Variants in TEX10 observed in about 807,000 individuals in gnomAD.
TEX10 encodes the protein testis-expressed protein 10.
TEX10 carries 24 observed loss-of-function variants against 104.4 expected under a neutral mutation model. The observed-to-expected ratio is 0.23, with a 90% CI of 0.17 to 0.32. TEX10 has a LOEUF of 0.32. Among genes scored for constraint, TEX10 ranks in the 10% least tolerant of loss-of-function variants. The pLI is 1.00. For synonymous variants in TEX10, 396 were observed against 393.4 expected, an observed-to-expected ratio of 1.01 and a Z score of -0.08; for missense variants, 921 against 1,083.9, an observed-to-expected ratio of 0.85 and a Z score of 2.11.
chr9:100,312,459 C>T (rs1368111646), intron 11 of TEX10, among the ~76,000 whole-genome samples: 1 of 151,990 alleles, frequency 6.6e-6, no homozygotes, highest in African/African-American at 2.4e-5. Context: ...AAAGCAGGTA[C>T]AAAAAAGAAA....
chr9:100,333,029 G>T (rs749000496), intron 5 of TEX10, among the ~76,000 whole-genome samples: 1 of 152,008 alleles, frequency 6.6e-6, no homozygotes, highest in Non-Finnish European at 1.5e-5. Context: ...TTTTGAGACA[G>T]AGTGTTGCTC....
intron 9 of TEX10, among the ~76,000 whole-genome samples, chr9:100,323,883 A>G (rs1033605780): frequency 6.6e-6 from 1 of 152,200 alleles, no homozygotes; most frequent in Non-Finnish European, 1.5e-5. Context: ...AGTATACAGG[A>G]TGCATAGGAC....
At chr9:100,340,866 C>T (rs879402723) in intron 4 of TEX10, among the ~76,000 whole-genome samples, 1 of 152,138 alleles carries the variant, frequency 6.6e-6, no homozygotes, top group Non-Finnish European at 1.5e-5. Context: ...TTCTTTATTT[C>T]CTCTTATCCA....
Position 100,345,941 on chromosome 9 carries a change from T to C in TEX10, c.1137+131A>G, listed in dbSNP as rs1290310001. Reference sequence around the variant, plus strand: ...TGTAGTTTTGTGCAAAACAAACAAGTTTACAGTTAAACCCAGGGTACTTTT... The same window carrying C: ...TGTAGTTTTGTGCAAAACAAACAAGCTTACAGTTAAACCCAGGGTACTTTT... On this transcript the variant is annotated intron_variant, in intron 4 of 14. Transcript: ENST00000374902. 5.3e-6 allele frequency: 5 copies of C among 942,508 alleles called. No individual in the cohort carries two copies. In the African/African-American group the frequency reaches 6.7e-5, roughly 13 times the overall value. The allele number at this position is 942,508 out of a possible 1,614,324, so 58.4% of individuals were successfully genotyped here.
intron 11 of TEX10, among the ~76,000 whole-genome samples, chr9:100,311,997 G>T (rs1415505991): frequency 1.3e-5 from 2 of 151,984 alleles, no homozygotes; most frequent in African/African-American, 4.8e-5. Flanking sequence ...GGAATCAACA[G>T]ATCTATACAT....
At chr9:100,349,109 A>G in intron 2 of TEX10, 75 bp downstream of exon 2, 5 of 1,317,904 alleles carry the variant, frequency 3.8e-6, no homozygotes, top group Non-Finnish European at 5.0e-6. Context: ...GTTTAGACAA[A>G]TTTTCACAAA....
intron 13 of TEX10, chr9:100,304,666 C>G (rs1329542921): frequency 6.6e-6 from 1 of 152,062 alleles, no homozygotes. Flanking sequence ...CAAGACCATC[C>G]TGGCCAACAT....
chr9:100,331,159 G>A (rs932423825), intron 5 of TEX10, among the ~76,000 whole-genome samples: 4 of 152,224 alleles, frequency 2.6e-5, no homozygotes, highest in Admixed American at 2.0e-4. Flanking sequence ...TACTTGGGAG[G>A]CTGAGGCAGG....
In TEX10 at chr9:100,302,114, A is replaced by T; in HGVS notation, c.*77T>A. 1.2e-6 allele frequency: 1 copy of T among 841,886 alleles called. No homozygotes were observed. The highest frequency in any genetic ancestry group is 1.8e-6 in the Non-Finnish European group (1 of 554,348). 52.2% of individuals were successfully genotyped at this position (841,886 alleles called of 1,614,324 possible). A position where few individuals can be genotyped will look rare whatever the true frequency, so the allele number is the denominator to read the frequency against. On this transcript the variant is annotated 3_prime_UTR_variant, in exon 15 of 15. Coordinates refer to ENST00000374902, the MANE Select transcript of TEX10 (RefSeq NM_017746.4). ...TAAAAGTTCAGCTTTAATGACAAAG[A>T]TCTATTACATCAGTCTTTTTCTTCA...
intron 11 of TEX10, among the ~76,000 whole-genome samples, chr9:100,313,360 C>A (rs1834327224): frequency 6.6e-6 from 1 of 150,960 alleles, no homozygotes; most frequent in Non-Finnish European, 1.5e-5. Flanking sequence ...ACTAAATATA[C>A]AAAAATTAGC....
At chr9:100,313,862 A>G (rs898390298) in intron 11 of TEX10, among the ~76,000 whole-genome samples, 1 of 151,396 alleles carries the variant, frequency 6.6e-6, no homozygotes, top group African/African-American at 2.4e-5. Context: ...AAAAAAAAAA[A>G]GAGACACACA....
chr9:100,307,294 C>T (rs1374661989), intron 13 of TEX10: 1 of 152,210 alleles, frequency 6.6e-6, no homozygotes, highest in East Asian at 1.9e-4. Context: ...TTTACTGGAA[C>T]ACAATTATAC....
Position 100,347,044 on chromosome 9 carries a change from T to C in TEX10, c.543A>G (p.Ile181Met). Residue 181 changes from isoleucine to methionine, a missense_variant, in exon 3 of 15, where the codon ATA (isoleucine) becomes ATG (methionine). Transcript: ENST00000374902. ...YPALITGRSS[I>M]LLKNFVELIS... ...TAAGTTCTACAAAATTCTTAAGCAA[T>C]ATGCTGCTACGGCCAGTAATTAGAG... The C allele has an allele frequency of 6.2e-7, 1 of 1,614,182 alleles. No individual in the cohort carries two copies. Among genetic ancestry groups the C allele is most frequent in the African/African-American group, 1.3e-5 (1 of 75,054 alleles).
chr9:100,305,200 C>G (rs1834115607), intron 13 of TEX10: 1 of 152,168 alleles, frequency 6.6e-6, no homozygotes, highest in African/African-American at 2.4e-5. Flanking sequence ...AGCTTCTTTA[C>G]CAGGAGTGTA....
At chr9:100,342,829 G>C (rs781732373) in intron 4 of TEX10, among the ~76,000 whole-genome samples, 2 of 152,120 alleles carry the variant, frequency 1.3e-5, no homozygotes, top group Non-Finnish European at 2.9e-5. Context: ...AAAAGCTAAT[G>C]TTAAACTGTA....
intron 11 of TEX10, among the ~76,000 whole-genome samples, chr9:100,315,060 T>C (rs553644913): frequency 6.6e-6 from 1 of 152,362 alleles, no homozygotes; most frequent in South Asian, 2.1e-4. Context: ...TTTGCATCAT[T>C]TGTAAAGTTC....
In TEX10 at chr9:100,349,412, C is replaced by T. The variant is rs1835384265; in HGVS notation, c.-9-40G>A. 2.2e-6 allele frequency: 3 copies of T among 1,394,468 alleles called. No individual in the cohort carries two copies. The African/African-American group carries it at 4.4e-5, about 20-fold the overall frequency. The allele number at this position is 1,394,468 out of a possible 1,614,324, so 86.4% of individuals were successfully genotyped here. A position where few individuals can be genotyped will look rare whatever the true frequency, so the allele number is the denominator to read the frequency against. On this transcript the variant is annotated intron_variant, in intron 1 of 14. Coordinates refer to ENST00000374902, the MANE Select transcript of TEX10 (RefSeq NM_017746.4). Reference sequence around the variant, plus strand: ...ATTAATTAAAAGCAATGGATAGAGACAAGAATAAATTATGAAAAAAGGCAC... The same window carrying T: ...ATTAATTAAAAGCAATGGATAGAGATAAGAATAAATTATGAAAAAAGGCAC...
In TEX10 at chr9:100,346,089, C is replaced by G; in HGVS notation, c.1120G>C (p.Asp374His). Reference protein sequence around the residue: ...SLLWKLSKQQDETHKLESWLR... With the variant: ...SLLWKLSKQQHETHKLESWLR... Reference sequence around the variant, plus strand: ...GTTCTCACCAATTTATGGGTTTCATCCTGTTGTTTAGAGAGTTTCCACAGA... The same window carrying G: ...GTTCTCACCAATTTATGGGTTTCATGCTGTTGTTTAGAGAGTTTCCACAGA... Residue 374 changes from aspartate (D) to histidine (H), a missense_variant, in exon 4 of 15, where the codon GAT (aspartate) becomes CAT (histidine). This residue lies in a region of TEX10 where 753 missense variants were observed against 868.4 expected (regional missense o/e 0.87). Coordinates refer to ENST00000374902, the MANE Select transcript of TEX10 (RefSeq NM_017746.4). The G allele has an allele frequency of 6.2e-7, 1 of 1,613,186 alleles. No homozygotes were observed. Among genetic ancestry groups the G allele is most frequent in the Non-Finnish European group, 8.5e-7 (1 of 1,179,582 alleles).
chr9:100,329,379 A>G, intron 6 of TEX10, 104 bp from the exon 7 acceptor site: 1 of 1,316,350 alleles, frequency 7.6e-7, no homozygotes, highest in Non-Finnish European at 1.0e-6. Flanking sequence ...CCTATGGCAA[A>G]GCCAATTTTA....
Sources: allele counts gnomAD v4.1 joint callset (sites outside exome capture counted in the v4.1 genomes callset), GRCh38; gene constraint gnomAD v4.1.1; regional missense constraint gnomAD v4.1.1; transcripts MANE v1.5; gene names NCBI Gene and HGNC (gene_info 2026-07-23, HGNC 2026-07-21).